Variants in ARID1B observed in about 807,000 individuals in gnomAD.
The protein encoded by ARID1B is AT-rich interactive domain-containing protein 1B.
In ARID1B, 30 loss-of-function variants were observed where a neutral mutation model predicts 212.3. The observed-to-expected ratio is 0.14, with a 90% CI of 0.11 to 0.19. The LOEUF (loss-of-function observed/expected upper bound fraction) is 0.19. Among genes scored for constraint, ARID1B ranks in the 10% least tolerant of loss-of-function variants. The probability of loss-of-function intolerance (pLI) is 1.00; values close to 1 mark genes in which losing one functional copy is unlikely to be tolerated. For missense variants in ARID1B, 2,891 were observed against 3,204.0 expected (o/e 0.90, Z 2.36); for synonymous variants, 1,402 against 1,301.7 (o/e 1.08, Z -1.66).
chr6:157,166,771 A>G (rs1791353941), intron 8 of ARID1B: 1 of 311,648 alleles, frequency 3.2e-6, no homozygotes, highest in Non-Finnish European at 5.8e-6. Context: ...ATTCCTCTAT[A>G]TAAATAATAA....
intron 1 of ARID1B, among the ~76,000 whole-genome samples, chr6:156,804,626 A>C (rs1781018782): frequency 6.6e-6 from 1 of 152,028 alleles, no homozygotes; most frequent in Non-Finnish European, 1.5e-5. Flanking sequence ...AAACCATCAG[A>C]TTTCGTGAGA....
Position 157,132,875 on chromosome 6 carries a change from G to A in ARID1B, c.2582-153G>A, listed in dbSNP as rs183008244. ...CCAGGGCACCCTCCAGACCGTCCAC[G>A]CTGAACTGAGATGTCTTTAGCTATT... On this transcript the variant is annotated intron_variant, in intron 6 of 19. Coordinates refer to ENST00000636930, the MANE Select transcript of ARID1B (RefSeq NM_001374828.1). 2.3e-3 allele frequency among the ~76,000 whole-genome samples: 357 copies of A among 152,266 alleles called. 3 individuals are homozygous for A. Among genetic ancestry groups the A allele is most frequent in the African/African-American group, 8.1e-3 (336 of 41,540 alleles).
chr6:156,819,385 T>C (rs1782196504), intron 1 of ARID1B, among the ~76,000 whole-genome samples: 1 of 152,208 alleles, frequency 6.6e-6, no homozygotes, highest in Non-Finnish European at 1.5e-5. Flanking sequence ...GGTATTCCTT[T>C]TAGATCTAAC....
At chr6:157,178,083 G>T (rs1380001425) in intron 11 of ARID1B, among the ~76,000 whole-genome samples, 1 of 152,184 alleles carries the variant, frequency 6.6e-6, no homozygotes, top group African/African-American at 2.4e-5. Flanking sequence ...AAGCTGGGGT[G>T]GAGGCGTTGA....
chr6:156,977,647 A>G (rs1193609962), intron 4 of ARID1B, among the ~76,000 whole-genome samples: 4 of 151,962 alleles, frequency 2.6e-5, no homozygotes, highest in Admixed American at 6.6e-5. Context: ...GTACATTTCA[A>G]TTGACTGATT....
At chr6:156,867,386 A>G (rs1785778931) in intron 2 of ARID1B, among the ~76,000 whole-genome samples, 1 of 152,170 alleles carries the variant, frequency 6.6e-6, no homozygotes, top group Admixed American at 6.5e-5. Flanking sequence ...GCCGGAATCC[A>G]TTTCCTTGGG....
At chr6:156,899,443 C>T (rs1033993505) in intron 2 of ARID1B, among the ~76,000 whole-genome samples, 6 of 152,136 alleles carry the variant, frequency 3.9e-5, no homozygotes. Flanking sequence ...AGGTGGGGTG[C>T]CAGCAAAGTT....
At chr6:157,147,979 T>C (rs1422534541) in intron 7 of ARID1B, among the ~76,000 whole-genome samples, 1 of 141,786 alleles carries the variant, frequency 7.1e-6, no homozygotes, top group East Asian at 2.1e-4. Context: ...GCCGTGCTTG[T>C]GCTGGGACAG....
intron 3 of ARID1B, among the ~76,000 whole-genome samples, chr6:156,923,655 A>G (rs1303822443): frequency 1.3e-5 from 2 of 151,738 alleles, no homozygotes; most frequent in African/African-American, 4.8e-5. Flanking sequence ...TACTACCAAC[A>G]CTGTCCTCAG....
intron 2 of ARID1B, among the ~76,000 whole-genome samples, chr6:156,870,711 G>A (rs1421375799): frequency 2.7e-5 from 4 of 150,252 alleles, no homozygotes; most frequent in Non-Finnish European, 3.0e-5. Flanking sequence ...GAAAAGCAAT[G>A]CTTAAAATGG....
At chr6:157,002,676 C>G (rs935724606) in intron 4 of ARID1B, among the ~76,000 whole-genome samples, 3 of 152,140 alleles carry the variant, frequency 2.0e-5, no homozygotes, top group East Asian at 3.8e-4. Context: ...TTTAGTCTGC[C>G]TGAAACTGTT....
chr6:157,015,024 A>T lies in ARID1B; in HGVS notation c.2248-69638A>T, dbSNP rs534500939. Among the ~76,000 whole-genome samples, 4 of 152,360 alleles carry T rather than the reference A, an allele frequency of 2.6e-5. No individual in the cohort carries two copies. In the South Asian group the frequency reaches 8.3e-4, roughly 32 times the overall value. ...CTGGCTAATCTGACTCGAGGGCATC[A>T]GACTGGGAAAGACGAGATGACATTT... On this transcript the variant is annotated intron_variant, in intron 4 of 19. Transcript: ENST00000636930.
chr6:156,929,924 T>A (rs1367528842), intron 3 of ARID1B, among the ~76,000 whole-genome samples: 1 of 152,130 alleles, frequency 6.6e-6, no homozygotes, highest in Non-Finnish European at 1.5e-5. Flanking sequence ...CTTTTTTTTT[T>A]TGGTTACTGT....
Position 156,934,954 on chromosome 6 carries a change from ATATATAT to A in ARID1B, c.2137-511_2137-505del, listed in dbSNP as rs1562494883. On this transcript the variant is annotated intron_variant, in intron 3 of 19. Coordinates refer to ENST00000636930, the MANE Select transcript of ARID1B (RefSeq NM_001374828.1). ...TATATATATATATATATATATATATATATATATAGTTTATATTTCTGCTGTTATTCAC... is the reference window on the plus strand; with the variant it reads ...TATATATATATATATATATATATATAAGTTTATATTTCTGCTGTTATTCAC... Among the ~76,000 whole-genome samples, 249 of 81,738 alleles carry A rather than the reference ATATATAT, an allele frequency of 3.0e-3. 3 individuals carry two copies. Among genetic ancestry groups the A allele is most frequent in the East Asian group, 0.028 (62 of 2,220 alleles). 53.6% of individuals were successfully genotyped at this position (81,738 alleles called of 152,430 possible).
At position 156,887,399 on chromosome 6, in the gene ARID1B, G is replaced by A. The variant is rs1204117628; in HGVS notation, c.1987-13977G>A. Among the ~76,000 whole-genome samples the A allele has an allele frequency of 2.6e-5, 4 of 152,136 alleles. No homozygotes were observed. The East Asian group carries it at 7.7e-4, about 29-fold the overall frequency. On this transcript the variant is annotated intron_variant, in intron 2 of 19. Coordinates refer to ENST00000636930, the MANE Select transcript of ARID1B (RefSeq NM_001374828.1). ...GTTGGACCCTTGCATGATTACCATT[G>A]CTATTACTTTTCTCCATTGCTATGT...
chr6:156,777,144 C>G (rs1778667476), upstream of ARID1B: 3 of 152,354 alleles, frequency 2.0e-5, no homozygotes, highest in African/African-American at 4.8e-5. Context: ...GACAGCGGCC[C>G]GGGGGGAAAG....
intron 4 of ARID1B, among the ~76,000 whole-genome samples, chr6:157,021,666 C>T (rs1214839040): frequency 6.6e-6 from 1 of 152,160 alleles, no homozygotes; most frequent in Non-Finnish European, 1.5e-5. Flanking sequence ...GAAGGAGGCG[C>T]CGGCCGCAGC....
intron 4 of ARID1B, among the ~76,000 whole-genome samples, chr6:157,039,759 A>ACCTTCCTTCTTT (rs1781696511): frequency 1.6e-5 from 1 of 64,248 alleles, no homozygotes; most frequent in Non-Finnish European, 2.9e-5. Context: ...CTTCCTTCCT[A>ACCTTCCTTCTTT]CCTTCCTACC....
In ARID1B at chr6:157,207,968, T is replaced by C. The variant is rs926044618; in HGVS notation, c.*77T>C. 2 of 1,389,944 alleles carry C rather than the reference T, an allele frequency of 1.4e-6. No individual in the cohort carries two copies. Among genetic ancestry groups the C allele is most frequent in the African/African-American group, 2.8e-5 (2 of 70,216 alleles). The allele number at this position is 1,389,944 out of a possible 1,614,324, so 86.1% of individuals were successfully genotyped here. A position where few individuals can be genotyped will look rare whatever the true frequency, so the allele number is the denominator to read the frequency against. ...ACTGGCTGTTTTCTGTTCTTGTTTA[T>C]CCAGCGTAGGAAGAAGGAAAAGAAA... On this transcript the variant is annotated 3_prime_UTR_variant, in exon 20 of 20. Transcript: ENST00000636930. The surrounding 1 kb of genome is among the most constrained non-coding windows in gnomAD (Gnocchi z 8.5).
Sources: gnomAD v4.1 joint callset for allele counts (sites outside exome capture counted in the v4.1 genomes callset) on GRCh38, gnomAD v4.1.1 for gene constraint, Gnocchi (gnomAD v3.1) non-coding constraint, MANE v1.5 for transcripts, NCBI Gene and HGNC (gene_info 2026-07-23, HGNC 2026-07-21) for gene names.